The following CARMIL1 variants were observed in gnomAD, a reference collection of about 807,000 sequenced individuals.
CARMIL1 encodes the protein F-actin-uncapping protein LRRC16A.
In CARMIL1, 90 loss-of-function variants were observed where a neutral mutation model predicts 177.1. The ratio of observed to expected loss-of-function variants is 0.51; its 90% confidence interval spans 0.43 to 0.61. CARMIL1 has a LOEUF of 0.61. Among genes scored for constraint, CARMIL1 ranks in the 20% least tolerant of loss-of-function variants. CARMIL1 has a pLI of 0.00. For missense variants in CARMIL1, 1,380 were observed against 1,667.0 expected, an observed-to-expected ratio of 0.83 and a Z score of 3.00; for synonymous variants, 577 against 606.2, an observed-to-expected ratio of 0.95 and a Z score of 0.71.
rs375621502 is a variant in CARMIL1 at position 25,495,130 on chromosome 6, C to T, written c.1240C>T (p.Pro414Ser). 1.0e-4 allele frequency: 161 copies of T among 1,611,456 alleles called. 1 individual carries two copies. In the African/African-American group the frequency reaches 1.6e-3, roughly 16 times the overall value. Residue 414 changes from proline (P) to serine (S), a missense_variant, in exon 16 of 37, where the codon CCA (proline) becomes TCA (serine). Coordinates refer to ENST00000329474, the MANE Select transcript of CARMIL1 (RefSeq NM_017640.6). Reference sequence around the variant, plus strand: ...TTTCAGGAAAGGAAAAGAAGTACCTCCATCTTTCAAGCAATTTTTTAGTAG... The same window carrying T: ...TTTCAGGAAAGGAAAAGAAGTACCTTCATCTTTCAAGCAATTTTTTAGTAG... ...FSHRKGKEVP[P>S]SFKQFFSSSL...
At position 25,560,364 on chromosome 6, in the gene CARMIL1, C is replaced by T. The variant is rs1198413304; in HGVS notation, c.2742+3514C>T. Among the ~76,000 whole-genome samples, 10 of 152,014 alleles carry T rather than the reference C, an allele frequency of 6.6e-5. No homozygotes were observed. In the East Asian group the frequency reaches 1.7e-3, roughly 26 times the overall value. ...AGATAACACAAACTATTAAAATCACCTGCACTGTTTTACAGCCTGTGTCTA... is the reference window on the plus strand; with the variant it reads ...AGATAACACAAACTATTAAAATCACTTGCACTGTTTTACAGCCTGTGTCTA... On this transcript the variant is annotated intron_variant, in intron 29 of 36. Coordinates refer to ENST00000329474, the MANE Select transcript of CARMIL1 (RefSeq NM_017640.6).
chr6:25,342,869 C>T (rs1047852212), intron 2 of CARMIL1, among the ~76,000 whole-genome samples: 2 of 152,206 alleles, frequency 1.3e-5, no homozygotes, highest in African/African-American at 4.8e-5. Context: ...CTACCTTCCT[C>T]CTCCTCCAGC....
intron 2 of CARMIL1, among the ~76,000 whole-genome samples, chr6:25,287,009 CATT>C (rs1347079431): frequency 6.6e-6 from 1 of 152,186 alleles, no homozygotes; most frequent in Non-Finnish European, 1.5e-5. Context: ...GGCCGGAACT[CATT>C]GTGGCTGTTA....
At chr6:25,385,134 T>C (rs900523238) in intron 2 of CARMIL1, among the ~76,000 whole-genome samples, 1 of 152,204 alleles carries the variant, frequency 6.6e-6, no homozygotes, top group East Asian at 1.9e-4. Context: ...TAAAGTTATG[T>C]ACAACTTATC....
intron 2 of CARMIL1, among the ~76,000 whole-genome samples, chr6:25,291,017 G>T (rs1781919231): frequency 6.6e-6 from 1 of 151,926 alleles, no homozygotes; most frequent in South Asian, 2.1e-4. Flanking sequence ...TCATTATTTT[G>T]CCCAGGCTGG....
intron 3 of CARMIL1, 89 bp from the exon 4 acceptor site, chr6:25,426,412 A>AT (rs5875038): frequency 0.037 from 27,813 of 760,424 alleles, 432 homozygotes; most frequent in Non-Finnish European, 0.038. Flanking sequence ...TAGTTGTAGG[A>AT]TTTTTTTTTT....
intron 36 of CARMIL1, among the ~76,000 whole-genome samples, chr6:25,615,547 G>A (rs187171916): frequency 2.0e-5 from 3 of 152,092 alleles, no homozygotes; most frequent in African/African-American, 4.8e-5. Flanking sequence ...GCTCCTGTTT[G>A]TACAGGGCAT....
chr6:25,573,470 C>A (rs763282305), intron 29 of CARMIL1, among the ~76,000 whole-genome samples: 46 of 150,216 alleles, frequency 3.1e-4, no homozygotes, highest in Non-Finnish European at 5.2e-4. Context: ...AGTTGAAATT[C>A]TTGTAGGTTT....
intron 8 of CARMIL1, among the ~76,000 whole-genome samples, chr6:25,453,583 G>A (rs921530566): frequency 6.6e-6 from 1 of 152,180 alleles, no homozygotes; most frequent in Non-Finnish European, 1.5e-5. Flanking sequence ...GCTTCACTGA[G>A]GACATTCTAA....
intron 2 of CARMIL1, among the ~76,000 whole-genome samples, chr6:25,291,093 T>C (rs1781927125): frequency 6.6e-6 from 1 of 152,234 alleles, no homozygotes; most frequent in African/African-American, 2.4e-5. Flanking sequence ...ATTATAGGCA[T>C]GAGCCAATGC....
intron 2 of CARMIL1, among the ~76,000 whole-genome samples, chr6:25,370,816 C>T (rs9461146): frequency 0.15 from 22,597 of 151,972 alleles, 1,732 homozygotes; most frequent in African/African-American, 0.19. Context: ...TTTGGTTACA[C>T]GGACAAATTG....
chr6:25,606,219 A>G lies in CARMIL1; in HGVS notation c.3793A>G (p.Ser1265Gly). 1 of 1,613,900 alleles carries G rather than the reference A, an allele frequency of 6.2e-7. No homozygotes were observed. The highest frequency in any genetic ancestry group is 2.2e-5 in the East Asian group (1 of 44,876). The change falls in exon 35 of 37, where the codon AGT (serine) becomes GGT (glycine). Residue 1265 changes from serine to glycine, a missense_variant. Ser to Gly is a moderately conservative substitution (Grantham distance 56, BLOSUM62 0). Transcript: ENST00000329474. Reference sequence around the variant, plus strand: ...GCCCCTCCTGCAGTCCCCCAAACCCAGTCTGGCAGCACGGCCCGTCATCCC... The same window carrying G: ...GCCCCTCCTGCAGTCCCCCAAACCCGGTCTGGCAGCACGGCCCGTCATCCC... ...PKPLLQSPKP[S>G]LAARPVIPQK...
chr6:25,584,126 C>T (rs1274080795), intron 31 of CARMIL1, among the ~76,000 whole-genome samples: 1 of 148,582 alleles, frequency 6.7e-6, no homozygotes, highest in Non-Finnish European at 1.5e-5. Context: ...CTCTTGGGCT[C>T]AAGCAATAAC....
intron 2 of CARMIL1, among the ~76,000 whole-genome samples, chr6:25,302,757 G>A (rs910636709): frequency 6.6e-6 from 1 of 152,182 alleles, no homozygotes; most frequent in African/African-American, 2.4e-5. Flanking sequence ...GCAAACAGCC[G>A]CCCATCTCAG....
At chr6:25,322,267 C>T (rs547790338) in intron 2 of CARMIL1, among the ~76,000 whole-genome samples, 35 of 152,226 alleles carry the variant, frequency 2.3e-4, no homozygotes, top group African/African-American at 6.5e-4. Flanking sequence ...GGATTACAGG[C>T]GCTCTCCACC....
intron 24 of CARMIL1, among the ~76,000 whole-genome samples, chr6:25,535,677 C>G (rs1808224754): frequency 1.3e-5 from 2 of 152,208 alleles, no homozygotes; most frequent in Admixed American, 1.3e-4. Flanking sequence ...TATAGCCTTT[C>G]AGATTGCATC....
chr6:25,367,235 A>G (rs533763328), intron 2 of CARMIL1, among the ~76,000 whole-genome samples: 135 of 151,974 alleles, frequency 8.9e-4, no homozygotes, highest in Middle Eastern at 3.4e-3. Flanking sequence ...TTTGGTTTCA[A>G]TTTCTCTATT....
At chr6:25,521,291 G>A (rs949745598) in intron 23 of CARMIL1, among the ~76,000 whole-genome samples, 1 of 152,088 alleles carries the variant, frequency 6.6e-6, no homozygotes, top group African/African-American at 2.4e-5. Flanking sequence ...TTTATGAGGG[G>A]AGCAGAGTGC....
At chr6:25,303,224 A>G (rs574491679) in intron 2 of CARMIL1, among the ~76,000 whole-genome samples, 102 of 151,916 alleles carry the variant, frequency 6.7e-4, no homozygotes, top group African/African-American at 2.4e-3. Context: ...CTTCCATGTG[A>G]TAAAATTATA....
Sources: allele counts gnomAD v4.1 joint callset (sites outside exome capture counted in the v4.1 genomes callset), GRCh38; gene constraint gnomAD v4.1.1; transcripts MANE v1.5; gene names NCBI Gene and HGNC (gene_info 2026-07-23, HGNC 2026-07-21).